The following HTR2B variants were observed in gnomAD, a reference collection of about 807,000 sequenced individuals.
HTR2B encodes 5-HT 2B receptor.
HTR2B carries 31 observed loss-of-function variants against 39.8 expected under a neutral mutation model. That is an observed-to-expected ratio of 0.78 (90% CI 0.58 to 1.05). The LOEUF (loss-of-function observed/expected upper bound fraction) is 1.05, where lower values mean the gene tolerates loss of function less well. Ranked by LOEUF, HTR2B falls within the 50% of genes least tolerant of loss-of-function variation. The pLI, the probability that HTR2B is intolerant of heterozygous loss-of-function variation, is 0.00. For synonymous variants in HTR2B, 210 were observed against 207.1 expected (o/e 1.01, Z -0.12); for missense variants, 562 against 578.0 (o/e 0.97, Z 0.28).
intron 2 of HTR2B, among the ~76,000 whole-genome samples, chr2:231,114,940 A>C (rs951508748): frequency 5.3e-5 from 8 of 152,310 alleles, no homozygotes; most frequent in Non-Finnish European, 8.8e-5. Context: ...TAGAGAACAG[A>C]TGTCATGCAT....
rs1227714475 is a variant in HTR2B, at chr2:231,108,905, C to T, written c.1058G>A (p.Cys353Tyr). Residue 353 changes from cysteine to tyrosine, a missense_variant, in exon 4 of 4, where the codon TGT becomes TAT. By Grantham distance (194) the Cys-to-Tyr change is radical (BLOSUM62 -2). Transcript: ENST00000258400. ...GAGCATTTGGAGAGTAGTTTGGTTA[C>T]AGGAATCACATAAAACTAAAGTTAT... The part of the protein sequence containing the change: ...TNITLVLCDS[C>Y]NQTTLQMLLE... 3 of 1,614,060 alleles carry T rather than the reference C, an allele frequency of 1.9e-6. No homozygotes were observed. Among genetic ancestry groups the T allele is most frequent in the East Asian group, 2.2e-5 (1 of 44,874 alleles).
intron 2 of HTR2B, among the ~76,000 whole-genome samples, chr2:231,119,416 A>G (rs774490182): frequency 6.6e-6 from 1 of 151,948 alleles, no homozygotes; most frequent in Non-Finnish European, 1.5e-5. Flanking sequence ...AAGTGATTGA[A>G]CTCTGAAATA....
Position 231,108,437 on chromosome 2 carries a change from T to C in HTR2B, c.*80A>G. The C allele has an allele frequency of 7.0e-6, 7 of 995,370 alleles. No homozygotes were observed. The highest frequency in any genetic ancestry group is 1.1e-5 in the Non-Finnish European group (7 of 651,230). 61.7% of individuals were successfully genotyped at this position (995,370 alleles called of 1,614,324 possible). A position where few individuals can be genotyped will look rare whatever the true frequency, so the allele number is the denominator to read the frequency against. ...ATTTGATATATGACATAAAATTCTTTATATAATATATTCTTGGCACATTTA... is the reference window on the plus strand; with the variant it reads ...ATTTGATATATGACATAAAATTCTTCATATAATATATTCTTGGCACATTTA... On this transcript the variant is annotated 3_prime_UTR_variant, in exon 4 of 4. Coordinates refer to ENST00000258400, the MANE Select transcript of HTR2B (RefSeq NM_000867.5).
At position 231,123,660 on chromosome 2, in the gene HTR2B, C is replaced by G. The variant is rs772533852; in HGVS notation, c.105G>C (p.Gln35His). Residue 35 changes from glutamine (Q) to histidine (H), a missense_variant, in exon 2 of 4, where the codon CAG becomes CAC. Coordinates refer to ENST00000258400, the MANE Select transcript of HTR2B (RefSeq NM_000867.5). ...TCATTTCCTCTGGTATTGATTCTGT[C>G]TGTAATCCAGACCAGTTAGAAGAGA... ...HVISSNWSGL[Q>H]TESIPEEMKQ... 4.5e-5 allele frequency: 73 copies of G among 1,613,800 alleles called. 1 individual carries two copies. In the South Asian group the frequency reaches 7.6e-4, roughly 17 times the overall value.
In HTR2B at chr2:231,109,307, A is replaced by G. The variant is rs1695077192; in HGVS notation, c.656T>C (p.Leu219Pro). The change falls in exon 4 of 4, where the codon CTC (leucine) becomes CCC (proline). Residue 219 changes from leucine to proline, a missense_variant. By Grantham distance (98) the Leu-to-Pro change is moderately conservative (BLOSUM62 -3). Transcript: ENST00000258400. ...GAAGAAGGCAGCCAGTGAGCCAAAG[A>G]GCATGAAATCGCCAAAACGTTCCTT... Reference protein sequence around the residue: ...LTKERFGDFMLFGSLAAFFTP... With the variant: ...LTKERFGDFMPFGSLAAFFTP... 6.2e-7 allele frequency: 1 copy of G among 1,614,018 alleles called. No individual in the cohort carries two copies. The highest frequency in any genetic ancestry group is 1.7e-5 in the Admixed American group (1 of 60,006).
intron 2 of HTR2B, among the ~76,000 whole-genome samples, chr2:231,120,198 C>T (rs539153641): frequency 1.3e-5 from 2 of 152,224 alleles, no homozygotes; most frequent in South Asian, 4.1e-4. Context: ...GTGATCCATC[C>T]GTTTCAGCCT....
intron 2 of HTR2B, among the ~76,000 whole-genome samples, chr2:231,114,822 T>A (rs1695276781): frequency 6.6e-6 from 1 of 152,160 alleles, no homozygotes; most frequent in Admixed American, 6.5e-5. Flanking sequence ...TTTAATATAT[T>A]ATGCATTATA....
At chr2:231,112,823 G>A (rs1023528045) in intron 3 of HTR2B, among the ~76,000 whole-genome samples, 2 of 145,302 alleles carry the variant, frequency 1.4e-5, no homozygotes, top group African/African-American at 5.7e-5. Context: ...CATAATTTCT[G>A]AACATCGGTA....
At chr2:231,115,928 G>A (rs1451698946) in intron 2 of HTR2B, among the ~76,000 whole-genome samples, 3 of 152,082 alleles carry the variant, frequency 2.0e-5, no homozygotes, top group Non-Finnish European at 4.4e-5. Flanking sequence ...ATTAACATTT[G>A]AGAAGCAGTG....
In HTR2B at chr2:231,108,688, A is replaced by T. The variant is rs527954308; in HGVS notation, c.1275T>A (p.Ser425=). Reference sequence around the variant, plus strand: ...GAATTCCATGTTTCTTGAAAAACTTAGAGTTCTCTGCCATTGGATTCCGGA... The same window carrying T: ...GAATTCCATGTTTCTTGAAAAACTTTGAGTTCTCTGCCATTGGATTCCGGA... The part of the protein sequence containing the change: ...IYFRNPMAEN[S]KFFKKHGIRN... Residue 425 remains serine, a synonymous_variant, in exon 4 of 4, where the codon TCT becomes TCA. Coordinates refer to ENST00000258400, the MANE Select transcript of HTR2B (RefSeq NM_000867.5). 27 of 1,613,994 alleles carry T rather than the reference A, an allele frequency of 1.7e-5. No homozygotes were observed. Among genetic ancestry groups the T allele is most frequent in the Non-Finnish European group, 8.5e-7 (1 of 1,180,012 alleles).
intron 3 of HTR2B, among the ~76,000 whole-genome samples, 191 bp downstream of exon 3, chr2:231,113,538 C>T (rs1323630057): frequency 6.6e-6 from 1 of 152,222 alleles, no homozygotes; most frequent in Non-Finnish European, 1.5e-5. Flanking sequence ...TTACTTGTCA[C>T]ACTTTTTACC....
Position 231,123,427 on chromosome 2 carries a change from A to C in HTR2B, c.338T>G (p.Leu113Trp). 1 of 1,613,480 alleles carries C rather than the reference A, an allele frequency of 6.2e-7. No homozygotes were observed. The highest frequency in any genetic ancestry group is 2.2e-5 in the East Asian group (1 of 44,872). ...GAAATACTTACCAAACATTATTGTCAAGAGGGCAATTGGCATCACAAACAA... is the reference window on the plus strand; with the variant it reads ...GAAATACTTACCAAACATTATTGTCCAGAGGGCAATTGGCATCACAAACAA... Reference protein sequence around the residue: ...VGLFVMPIALLTIMFEAMWPL... With the variant: ...VGLFVMPIALWTIMFEAMWPL... Residue 113 changes from leucine to tryptophan, a missense_variant, in exon 2 of 4, where the codon TTG (leucine) becomes TGG (tryptophan). Leu to Trp is a moderately conservative substitution (Grantham distance 61). Coordinates refer to ENST00000258400, the MANE Select transcript of HTR2B (RefSeq NM_000867.5).
chr2:231,121,156 T>C (rs1270810290), intron 2 of HTR2B, among the ~76,000 whole-genome samples: 1 of 152,210 alleles, frequency 6.6e-6, no homozygotes, highest in East Asian at 1.9e-4. Flanking sequence ...TTTAAAAATC[T>C]ACAAACCCCA....
intron 3 of HTR2B, among the ~76,000 whole-genome samples, chr2:231,111,085 C>A (rs1193823433): frequency 6.6e-6 from 1 of 152,186 alleles, no homozygotes; most frequent in Non-Finnish European, 1.5e-5. Flanking sequence ...TCAATGGCTT[C>A]AGTACCTGCT....
In HTR2B at chr2:231,123,656, C is replaced by G. The variant is rs980788559; in HGVS notation, c.109G>C (p.Glu37Gln). The G allele has an allele frequency of 1.9e-6, 3 of 1,613,772 alleles. No homozygotes were observed. The highest frequency in any genetic ancestry group is 2.5e-6 in the Non-Finnish European group (3 of 1,179,758). Reference sequence around the variant, plus strand: ...TGTTTCATTTCCTCTGGTATTGATTCTGTCTGTAATCCAGACCAGTTAGAA... The same window carrying G: ...TGTTTCATTTCCTCTGGTATTGATTGTGTCTGTAATCCAGACCAGTTAGAA... ...ISSNWSGLQT[E>Q]SIPEEMKQIV... The change falls in exon 2 of 4, where the codon GAA becomes CAA. Residue 37 changes from glutamate (E) to glutamine (Q), a missense_variant. Coordinates refer to ENST00000258400, the MANE Select transcript of HTR2B (RefSeq NM_000867.5).
intron 2 of HTR2B, among the ~76,000 whole-genome samples, chr2:231,114,559 A>G (rs1214061084): frequency 2.0e-5 from 3 of 152,238 alleles, no homozygotes; most frequent in Admixed American, 6.5e-5. Context: ...TTCCCCTTCT[A>G]TATTTCATCA....
Position 231,108,342 on chromosome 2 carries a change from C to T in HTR2B, c.*175G>A. On this transcript the variant is annotated 3_prime_UTR_variant, in exon 4 of 4. Transcript: ENST00000258400. ...TGTAGCTATATAAAATTATTTTCCTCATGGAATAATCTTGTCCAAATTAGG... is the reference window on the plus strand; with the variant it reads ...TGTAGCTATATAAAATTATTTTCCTTATGGAATAATCTTGTCCAAATTAGG... 1 of 568,864 alleles carries T rather than the reference C, an allele frequency of 1.8e-6. No homozygotes were observed. Among genetic ancestry groups the T allele is most frequent in the Non-Finnish European group, 3.1e-6 (1 of 326,068 alleles). The allele number at this position is 568,864 out of a possible 1,614,324, so 35.2% of individuals were successfully genotyped here.
intron 2 of HTR2B, among the ~76,000 whole-genome samples, chr2:231,118,600 C>T (rs1263542871): frequency 1.3e-5 from 2 of 151,888 alleles, no homozygotes; most frequent in Non-Finnish European, 2.9e-5. Context: ...TTTGTTTTTG[C>T]TTTCTTTTGA....
At chr2:231,115,720 G>A (rs182460184) in intron 2 of HTR2B, among the ~76,000 whole-genome samples, 2 of 152,232 alleles carry the variant, frequency 1.3e-5, no homozygotes, top group East Asian at 3.9e-4. Flanking sequence ...GAGGTAAGGA[G>A]GGGAGGCATT....
Sources: gnomAD v4.1 joint callset for allele counts (sites outside exome capture counted in the v4.1 genomes callset) on GRCh38, gnomAD v4.1.1 for gene constraint, MANE v1.5 for transcripts, NCBI Gene and HGNC (gene_info 2026-07-23, HGNC 2026-07-21) for gene names.